The following METTL25 variants were observed in gnomAD, a reference collection of about 807,000 sequenced individuals.
METTL25 encodes the protein probable methyltransferase-like protein 25.
A neutral mutation model predicts 71.6 loss-of-function variants in METTL25; 64 were observed. The observed-to-expected ratio is 0.89, with a 90% CI of 0.73 to 1.10. The LOEUF (loss-of-function observed/expected upper bound fraction) is 1.10. METTL25 is among the 50% of genes least tolerant of loss of function. The pLI is 0.00. For missense variants in METTL25, 807 were observed against 707.0 expected (o/e 1.14, Z -1.60); for synonymous variants, 287 against 250.3 (o/e 1.15, Z -1.38).
intron 1 of METTL25, among the ~76,000 whole-genome samples, chr12:82,375,442 GAAA>G (rs144093930): frequency 2.9e-5 from 1 of 33,906 alleles, no homozygotes; most frequent in Non-Finnish European, 6.6e-5. Context: ...GAGCTGTGAG[GAAA>G]AAAAAAAATA....
chr12:82,472,947 A>G (rs771960579), intron 9 of METTL25, among the ~76,000 whole-genome samples: 5 of 152,120 alleles, frequency 3.3e-5, no homozygotes. Context: ...ACATCATCCA[A>G]TTTTATGGAG....
intron 5 of METTL25, among the ~76,000 whole-genome samples, chr12:82,420,001 C>T (rs1375537730): frequency 6.6e-6 from 1 of 152,108 alleles, no homozygotes; most frequent in Non-Finnish European, 1.5e-5. Flanking sequence ...AACTGTGGTA[C>T]ACACATACAA....
chr12:82,436,175 A>G (rs1461976203), intron 7 of METTL25, among the ~76,000 whole-genome samples: 1 of 151,450 alleles, frequency 6.6e-6, no homozygotes, highest in Non-Finnish European at 1.5e-5. Context: ...GTTGGGTATT[A>G]TCCTAAACCT....
At chr12:82,455,255 T>C (rs1320111967) in intron 8 of METTL25, among the ~76,000 whole-genome samples, 1 of 151,872 alleles carries the variant, frequency 6.6e-6, no homozygotes, top group Non-Finnish European at 1.5e-5. Flanking sequence ...GTGAAATCAA[T>C]TATTTTGTGA....
rs763312726 is a variant in METTL25 at position 82,389,831 on chromosome 12, C to T, written c.440C>T (p.Ala147Val). The change falls in exon 3 of 12, where the codon GCA becomes GTA. Residue 147 changes from alanine (A) to valine (V), a missense_variant. Ala to Val is a moderately conservative substitution (Grantham distance 64, BLOSUM62 0). Transcript: ENST00000248306. ...TTTTCATTAGGTGAAAATCAGAAGGCAGTTGAGTTTATGAATATGAAGAAA... is the reference window on the plus strand; with the variant it reads ...TTTTCATTAGGTGAAAATCAGAAGGTAGTTGAGTTTATGAATATGAAGAAA... ...QNQRIGENQK[A>V]VEFMNMKKSH... 2 of 1,598,466 alleles carry T rather than the reference C, an allele frequency of 1.3e-6. No individual in the cohort carries two copies. The highest frequency in any genetic ancestry group is 2.2e-5 in the South Asian group (2 of 89,170).
chr12:82,478,806 A>T (rs1284310389), intron 11 of METTL25, 126 bp from the exon 12 acceptor site: 1 of 715,504 alleles, frequency 1.4e-6, no homozygotes, highest in Non-Finnish European at 2.2e-6. Context: ...TTAACAAAGC[A>T]TAAGAATTTT....
At chr12:82,446,853 G>A (rs1890788155) in intron 8 of METTL25, among the ~76,000 whole-genome samples, 1 of 152,120 alleles carries the variant, frequency 6.6e-6, no homozygotes, top group East Asian at 1.9e-4. Flanking sequence ...CTGACCTCAG[G>A]TGATCTGCCT....
chr12:82,456,858 GA>G, intron 9 of METTL25, 38 bp downstream of exon 9: 1 of 985,726 alleles, frequency 1.0e-6, no homozygotes. Context: ...AGAAAAGACA[GA>G]AGAACTTCTA....
intron 6 of METTL25, among the ~76,000 whole-genome samples, chr12:82,433,607 G>C (rs956259823): frequency 6.6e-6 from 1 of 151,570 alleles, no homozygotes; most frequent in Non-Finnish European, 1.5e-5. Flanking sequence ...CAGGTTTTTA[G>C]TTCTTGCTCA....
chr12:82,394,667 A>G (rs1420794257), intron 3 of METTL25, among the ~76,000 whole-genome samples: 1 of 152,042 alleles, frequency 6.6e-6, no homozygotes, highest in Admixed American at 6.6e-5. Flanking sequence ...TGTTCTAATT[A>G]GGAGAGATTG....
At chr12:82,460,564 C>A (rs1331869882) in intron 9 of METTL25, among the ~76,000 whole-genome samples, 2 of 152,162 alleles carry the variant, frequency 1.3e-5, no homozygotes, top group South Asian at 4.1e-4. Flanking sequence ...TATGATAGTT[C>A]TTTCAAAAGC....
intron 1 of METTL25, among the ~76,000 whole-genome samples, chr12:82,383,309 G>A (rs560627359): frequency 1.4e-5 from 2 of 145,310 alleles, no homozygotes; most frequent in East Asian, 4.3e-4. Flanking sequence ...CAAGTAGCTG[G>A]GACAATGCTT....
chr12:82,411,743 A>G (rs1446252454), intron 5 of METTL25, among the ~76,000 whole-genome samples: 2 of 152,044 alleles, frequency 1.3e-5, no homozygotes, highest in East Asian at 1.9e-4. Context: ...TATTCCATCA[A>G]CCACTGGAGC....
intron 5 of METTL25, among the ~76,000 whole-genome samples, chr12:82,420,063 T>C (rs1468994793): frequency 6.6e-6 from 1 of 152,128 alleles, no homozygotes; most frequent in Non-Finnish European, 1.5e-5. Context: ...TTTTCTACAA[T>C]ATGGATGGAC....
At chr12:82,374,938 A>G (rs2895912) in intron 1 of METTL25, among the ~76,000 whole-genome samples, 140,710 of 152,224 alleles carry the variant, frequency 0.92, 65,347 homozygotes, top group East Asian at 1. Context: ...AGTGGAATAG[A>G]AAGGAAGTGA....
chr12:82,361,914 C>T (rs553956976), intron 1 of METTL25, among the ~76,000 whole-genome samples: 19 of 152,330 alleles, frequency 1.2e-4, no homozygotes, highest in East Asian at 9.7e-4. Context: ...CCAGAGTGGG[C>T]GCCAAGGCTG....
At chr12:82,406,723 A>C (rs1451278914) in intron 5 of METTL25, among the ~76,000 whole-genome samples, 2 of 152,102 alleles carry the variant, frequency 1.3e-5, no homozygotes, top group Non-Finnish European at 2.9e-5. Context: ...AAAATAATAT[A>C]GTAATTGCTA....
At chr12:82,376,319 CTCAA>C (rs1883850217) in intron 1 of METTL25, among the ~76,000 whole-genome samples, 1 of 152,194 alleles carries the variant, frequency 6.6e-6, no homozygotes, top group African/African-American at 2.4e-5. Context: ...ATGTACATCT[CTCAA>C]TCATTGTATT....
rs1381036886 is a variant in METTL25, at chr12:82,361,579, G to A, written c.259+2755G>A. On this transcript the variant is annotated intron_variant, in intron 1 of 11. Transcript: ENST00000248306. ...CCCTGCCCCGCAGGGAGGCAGCTGA[G>A]GCCCGGTGAGAATTCAAGAGCAGCG... 2.6e-5 allele frequency among the ~76,000 whole-genome samples: 4 copies of A among 152,188 alleles called. No individual in the cohort carries two copies. The East Asian group carries it at 7.7e-4, about 29-fold the overall frequency.
Sources: gnomAD v4.1 joint callset for allele counts (sites outside exome capture counted in the v4.1 genomes callset) on GRCh38, gnomAD v4.1.1 for gene constraint, MANE v1.5 for transcripts, NCBI Gene and HGNC (gene_info 2026-07-23, HGNC 2026-07-21) for gene names.